Variants in CFAP68 observed in about 807,000 individuals in gnomAD.
CFAP68 encodes the protein cilia- and flagella-associated protein 68.
chr11:111,882,579 C>G, the CFAP68 span: 9 of 1,583,934 alleles, frequency 5.7e-6, no homozygotes, highest in Non-Finnish European at 7.7e-6. Context: ...ATCGTGCAGC[C>G]CAAACCCTTG....
chr11:111,883,143 A>G, the CFAP68 span: 4 of 1,577,428 alleles, frequency 2.5e-6, no homozygotes, highest in East Asian at 2.3e-5. Context: ...CAGTTTGGAC[A>G]CTACTTTGAA....
At chr11:111,883,214 G>GC in the CFAP68 span, 1 of 1,554,488 alleles carries the variant, frequency 6.4e-7, no homozygotes, top group South Asian at 1.2e-5. Context: ...TACGTGGACT[G>GC]TTTTTTCAAA....
chr11:111,883,339 C>CA, the CFAP68 span: 1 of 726,738 alleles, frequency 1.4e-6, no homozygotes, highest in South Asian at 1.8e-5. Context: ...CCTGTAACCC[C>CA]AGCACTTTGT....
chr11:111,883,609 A>G, the CFAP68 span, among the ~76,000 whole-genome samples: 1 of 152,060 alleles, frequency 6.6e-6, no homozygotes, highest in Non-Finnish European at 1.5e-5. Context: ...AAAAAAGAAA[A>G]AAAAGGTGAA....
chr11:111,880,823 T>C, the CFAP68 span: 4 of 456,330 alleles, frequency 8.8e-6, no homozygotes, highest in East Asian at 2.8e-4. Flanking sequence ...AAGAACATGC[T>C]GTATTTGGTT....
chr11:111,879,632 G>T, the CFAP68 span: 5 of 1,604,838 alleles, frequency 3.1e-6, no homozygotes, highest in African/African-American at 4.0e-5. Context: ...TCTTCTATTC[G>T]TTCAAGAAAG....
the CFAP68 span, chr11:111,883,189 A>G: frequency 2.9e-5 from 46 of 1,575,420 alleles, no homozygotes; most frequent in Non-Finnish European, 4.0e-5. Context: ...ACAAAATGCC[A>G]CTTTCAACAC....
the CFAP68 span, chr11:111,882,361 T>C: frequency 6.2e-7 from 1 of 1,609,216 alleles, no homozygotes; most frequent in South Asian, 1.1e-5. Flanking sequence ...TTCTTGTCTT[T>C]TCCCAGAGAC....
the CFAP68 span, chr11:111,880,770 T>A: frequency 2.2e-6 from 1 of 456,310 alleles, no homozygotes. Flanking sequence ...TTGAATTATT[T>A]CTTGTGTCTC....
the CFAP68 span, among the ~76,000 whole-genome samples, chr11:111,880,054 G>T: frequency 6.6e-6 from 1 of 152,192 alleles, no homozygotes; most frequent in South Asian, 2.1e-4. Flanking sequence ...AGGGAGCGTT[G>T]TAAGCCTTTA....
chr11:111,883,115 T>C, the CFAP68 span: 2 of 1,528,304 alleles, frequency 1.3e-6, no homozygotes, highest in Non-Finnish European at 1.8e-6. Context: ...AGATTCTTAA[T>C]CTGTTAATTT....
the CFAP68 span, chr11:111,883,753 T>G: frequency 6.4e-7 from 1 of 1,554,360 alleles, no homozygotes; most frequent in Non-Finnish European, 8.9e-7. Context: ...TTTCCTTCCT[T>G]TTTTTTTCTT....
the CFAP68 span, chr11:111,882,288 T>A: frequency 2.5e-6 from 3 of 1,214,166 alleles, no homozygotes; most frequent in Non-Finnish European, 3.5e-6. Context: ...TACCTGGCTA[T>A]GTAAAACAAG....
At chr11:111,879,643 A>G in the CFAP68 span, 1 of 1,596,496 alleles carries the variant, frequency 6.3e-7, no homozygotes, top group Non-Finnish European at 8.6e-7. Flanking sequence ...TTCAAGAAAG[A>G]GTATTGAGTG....
the CFAP68 span, chr11:111,883,896 G>A: frequency 6.6e-7 from 1 of 1,505,436 alleles, no homozygotes; most frequent in Non-Finnish European, 9.2e-7. Flanking sequence ...GCATCACTCA[G>A]GATGTGTATA....
At chr11:111,881,737 G>C in the CFAP68 span, 5 of 1,176,848 alleles carry the variant, frequency 4.2e-6, no homozygotes, top group Admixed American at 1.1e-4. Context: ...AATCCAGATT[G>C]ATTGGGAGAA....
the CFAP68 span, chr11:111,881,687 C>CA: frequency 1.1e-4 from 162 of 1,432,420 alleles, no homozygotes; most frequent in South Asian, 5.7e-4. Flanking sequence ...TTTATCTTAC[C>CA]AAAAAAAATG....
chr11:111,881,156 A>G, the CFAP68 span: 2 of 1,198,886 alleles, frequency 1.7e-6, no homozygotes, highest in Non-Finnish European at 2.1e-6. Flanking sequence ...GTCAAAGATA[A>G]GCCCCAGGCT....
the CFAP68 span, chr11:111,882,230 A>G: frequency 4.3e-6 from 3 of 702,986 alleles, no homozygotes; most frequent in South Asian, 4.0e-5. Flanking sequence ...AGAAGAAGAA[A>G]CAGAACCATA....
Sources: gnomAD v4.1 joint callset for allele counts (sites outside exome capture counted in the v4.1 genomes callset) on GRCh38, gnomAD v4.1.1 for gene constraint, MANE v1.5 for transcripts, NCBI Gene and HGNC (gene_info 2026-07-23, HGNC 2026-07-21) for gene names.